Variants in ASPRV1 observed in about 807,000 individuals in gnomAD.
ASPRV1 encodes the protein retroviral-like aspartic protease 1.
A neutral mutation model predicts 11.0 loss-of-function variants in ASPRV1; 7 were observed. That is an observed-to-expected ratio of 0.64 (90% confidence interval 0.36 to 1.20). The LOEUF (loss-of-function observed/expected upper bound fraction) is 1.20. Among genes scored for constraint, ASPRV1 ranks in the 50% most tolerant of loss-of-function variants. The probability of loss-of-function intolerance (pLI) is 0.02; values close to 1 mark genes in which losing one functional copy is unlikely to be tolerated. For missense variants in ASPRV1, 299 were observed against 320.0 expected, an observed-to-expected ratio of 0.93 and a Z score of 0.50; for synonymous variants, 136 against 138.4, an observed-to-expected ratio of 0.98 and a Z score of 0.12.
the ASPRV1 span, among the ~76,000 whole-genome samples, chr2:69,946,854 G>T: frequency 5.3e-5 from 8 of 152,270 alleles, no homozygotes; most frequent in South Asian, 1.5e-3. Flanking sequence ...GTGCTGTTCG[G>T]AAGGTCAAAA....
At chr2:69,966,906 G>T in the ASPRV1 span, among the ~76,000 whole-genome samples, 2 of 152,138 alleles carry the variant, frequency 1.3e-5, no homozygotes, top group Non-Finnish European at 2.9e-5. Context: ...CTTCCCTCTG[G>T]CATGTCAAAG....
the ASPRV1 span, among the ~76,000 whole-genome samples, chr2:69,984,544 CATAGAG>C: frequency 2.1e-5 from 3 of 143,426 alleles, no homozygotes; most frequent in South Asian, 6.7e-4. Flanking sequence ...GAAACTAGGA[CATAGAG>C]ATAGAGACCA....
the ASPRV1 span, among the ~76,000 whole-genome samples, chr2:70,003,908 A>G: frequency 6.6e-6 from 1 of 152,084 alleles, no homozygotes; most frequent in African/African-American, 2.4e-5. Context: ...TCGCCTTTCC[A>G]CCTTCCACCA....
chr2:70,019,771 T>C, the ASPRV1 span, among the ~76,000 whole-genome samples: 8 of 151,934 alleles, frequency 5.3e-5, no homozygotes, highest in South Asian at 2.1e-4. Flanking sequence ...GGTGGGGAGA[T>C]TGGAAGGATG....
At chr2:69,996,710 G>C in the ASPRV1 span, 1 of 456,572 alleles carries the variant, frequency 2.2e-6, no homozygotes, top group Non-Finnish European at 4.4e-6. Flanking sequence ...TTGATGTCAA[G>C]GGTCCAAAGA....
chr2:69,988,438 C>T, the ASPRV1 span: 3 of 191,204 alleles, frequency 1.6e-5, no homozygotes, highest in Non-Finnish European at 3.3e-5. Context: ...CTCTATGATT[C>T]TACTTACATG....
chr2:69,971,924 C>T, the ASPRV1 span, among the ~76,000 whole-genome samples: 15 of 152,304 alleles, frequency 9.8e-5, no homozygotes, highest in African/African-American at 3.1e-4. Flanking sequence ...TTCTTTCAAG[C>T]CTTGGTTTCC....
the ASPRV1 span, among the ~76,000 whole-genome samples, chr2:70,022,342 C>T: frequency 2.3e-5 from 3 of 131,358 alleles, no homozygotes; most frequent in African/African-American, 9.0e-5. Context: ...AGTGTTCTTA[C>T]CAAAACACAC....
At chr2:69,967,150 A>G in the ASPRV1 span, among the ~76,000 whole-genome samples, 1 of 152,212 alleles carries the variant, frequency 6.6e-6, no homozygotes. Context: ...AATTCCATAC[A>G]TACTTACTGA....
At chr2:69,987,122 G>C in the ASPRV1 span, among the ~76,000 whole-genome samples, 2 of 152,136 alleles carry the variant, frequency 1.3e-5, no homozygotes, top group South Asian at 4.1e-4. Context: ...AAGATGCAGG[G>C]GTGGGAATGC....
chr2:70,086,663 AT>A, the ASPRV1 span, among the ~76,000 whole-genome samples: 1 of 152,180 alleles, frequency 6.6e-6, no homozygotes, highest in Non-Finnish European at 1.5e-5. Flanking sequence ...GGCGTACACT[AT>A]TGTTTCTAAT....
the ASPRV1 span, among the ~76,000 whole-genome samples, chr2:70,013,204 C>T: frequency 0.15 from 23,183 of 152,062 alleles, 2,743 homozygotes; most frequent in East Asian, 0.31. Context: ...GAATAAAAGA[C>T]CCATTCAAAG....
the ASPRV1 span, among the ~76,000 whole-genome samples, chr2:70,040,709 C>T: frequency 2.0e-5 from 3 of 152,184 alleles, no homozygotes; most frequent in Non-Finnish European, 1.5e-5. Context: ...TGGCAGGCCC[C>T]TGTAATCTGA....
the ASPRV1 span, chr2:69,941,111 G>C: frequency 1.3e-5 from 2 of 152,142 alleles, no homozygotes; most frequent in African/African-American, 4.8e-5. Context: ...TATAAATATA[G>C]GCACATGCAT....
the ASPRV1 span, among the ~76,000 whole-genome samples, chr2:70,058,882 C>CTTTTTTTT: frequency 9.8e-6 from 1 of 102,258 alleles, no homozygotes; most frequent in African/African-American, 4.2e-5. Flanking sequence ...TATTACCCAA[C>CTTTTTTTT]TTTTTTTTTT....
the ASPRV1 span, among the ~76,000 whole-genome samples, chr2:69,985,671 T>C: frequency 1.3e-5 from 2 of 152,154 alleles, no homozygotes; most frequent in South Asian, 4.1e-4. Context: ...ATTCAACAAA[T>C]GCATATGGGG....
rs1170460658 is a variant in ASPRV1, at chr2:69,960,408, G to A, written c.*249C>T. 8.3e-6 allele frequency: 4 copies of A among 480,380 alleles called. No individual in the cohort carries two copies. Among genetic ancestry groups the A allele is most frequent in the Non-Finnish European group, 1.5e-5 (4 of 268,432 alleles). 29.8% of individuals were successfully genotyped at this position (480,380 alleles called of 1,614,324 possible). A position where few individuals can be genotyped will look rare whatever the true frequency, so the allele number is the denominator to read the frequency against. On this transcript the variant is annotated 3_prime_UTR_variant, in exon 1 of 1. Transcript: ENST00000320256. ...AGCCTTTGAGTCTTTGTCATCAACA[G>A]CAGCTTGATGACCATGGGGACCCTG...
the ASPRV1 span, chr2:70,077,410 T>G: frequency 6.6e-6 from 1 of 152,182 alleles, no homozygotes. Flanking sequence ...GAAATATTTA[T>G]TGGAAACATG....
At chr2:70,036,019 T>A in the ASPRV1 span, among the ~76,000 whole-genome samples, 1 of 151,582 alleles carries the variant, frequency 6.6e-6, no homozygotes, top group Non-Finnish European at 1.5e-5. Context: ...ACTTTGAGGC[T>A]GAATATCTGA....
Sources: allele counts gnomAD v4.1 joint callset (sites outside exome capture counted in the v4.1 genomes callset), GRCh38; gene constraint gnomAD v4.1.1; transcripts MANE v1.5; gene names NCBI Gene and HGNC (gene_info 2026-07-23, HGNC 2026-07-21).